The following PLEKHM2 variants were observed in gnomAD, a reference collection of about 807,000 sequenced individuals.
The protein encoded by PLEKHM2 is pleckstrin homology domain-containing family M member 2.
In PLEKHM2, 77 loss-of-function variants were observed where a neutral mutation model predicts 116.3. The ratio of observed to expected loss-of-function variants is 0.66; its 90% CI spans 0.55 to 0.80. The LOEUF is 0.80. Among genes scored for constraint, PLEKHM2 ranks in the 30% least tolerant of loss-of-function variants. The pLI is 0.00. For missense variants in PLEKHM2, 1,183 were observed against 1,354.9 expected (o/e 0.87, Z 1.99); for synonymous variants, 562 against 571.0 (o/e 0.98, Z 0.22).
intron 1 of PLEKHM2, among the ~76,000 whole-genome samples, chr1:15,698,082 T>C (rs1641035290): frequency 6.6e-6 from 1 of 152,226 alleles, no homozygotes; most frequent in Non-Finnish European, 1.5e-5. Flanking sequence ...GCTCTACACG[T>C]TGGGGGACTT....
At chr1:15,724,476 C>T (rs1225693139) in intron 7 of PLEKHM2, among the ~76,000 whole-genome samples, 1 of 149,728 alleles carries the variant, frequency 6.7e-6, no homozygotes, top group Non-Finnish European at 1.5e-5. Flanking sequence ...AGAGAGACTC[C>T]GTCTCAAAAA....
rs546621840 is a variant in PLEKHM2 at position 15,700,447 on chromosome 1, G to A, written c.61-15790G>A. On this transcript the variant is annotated intron_variant, in intron 1 of 19. Coordinates refer to ENST00000375799, the MANE Select transcript of PLEKHM2 (RefSeq NM_015164.4). ...GTAGGACGCTGGCCAGAGCTAGGGT[G>A]TGCAGGAAGTGCCCCTGTCTCCCTG... 7.2e-5 allele frequency among the ~76,000 whole-genome samples: 11 copies of A among 152,262 alleles called. No homozygotes were observed. In the East Asian group the frequency reaches 1.9e-3, roughly 27 times the overall value.
intron 1 of PLEKHM2, among the ~76,000 whole-genome samples, chr1:15,688,978 G>T (rs1421567290): frequency 1.3e-5 from 2 of 152,164 alleles, no homozygotes; most frequent in Non-Finnish European, 2.9e-5. Context: ...GCCAGGCGCG[G>T]TGGCTCATGC....
At chr1:15,701,532 G>A (rs1641112818) in intron 1 of PLEKHM2, among the ~76,000 whole-genome samples, 1 of 152,206 alleles carries the variant, frequency 6.6e-6, no homozygotes, top group African/African-American at 2.4e-5. Context: ...GCTCACGCCT[G>A]TAATCCCAGC....
chr1:15,726,453 AC>A (rs2148370500), intron 8 of PLEKHM2, among the ~76,000 whole-genome samples: 1 of 152,232 alleles, frequency 6.6e-6, no homozygotes, highest in Non-Finnish European at 1.5e-5. Flanking sequence ...CCAGGAGGCC[AC>A]CCCATGGGCT....
intron 1 of PLEKHM2, among the ~76,000 whole-genome samples, chr1:15,701,161 G>A (rs1375726602): frequency 2.0e-5 from 3 of 149,830 alleles, no homozygotes; most frequent in African/African-American, 7.4e-5. Flanking sequence ...GCTGGGTGCG[G>A]TGGCTCACTC....
Position 15,724,316 on chromosome 1 carries a change from C to T in PLEKHM2, c.713-1001C>T, listed in dbSNP as rs191077762. On this transcript the variant is annotated intron_variant, in intron 7 of 19. Transcript: ENST00000375799. ...TGGCCAACATGGTGAAACCCCAGCT[C>T]TACTAAAAATACAAAAATTAGCTGG... Among the ~76,000 whole-genome samples, 990 of 152,250 alleles carry T rather than the reference C, an allele frequency of 6.5e-3. 10 individuals carry two copies. The highest frequency in any genetic ancestry group is 0.023 in the African/African-American group (950 of 41,546).
intron 19 of PLEKHM2, 61 bp downstream of exon 19, chr1:15,732,789 G>C (rs1056630780): frequency 8.9e-6 from 10 of 1,127,728 alleles, no homozygotes; most frequent in Non-Finnish European, 1.3e-5. Context: ...GCCACTCCCC[G>C]GGGAGAGGAA....
rs774340203 is a variant in PLEKHM2, at chr1:15,731,219, C to T, written c.2427C>T (p.Asp809=). Reference sequence around the variant, plus strand: ...ACGGGATCCTCTACCAGTACCCGGACCGCACCGACGTCATCCCTCTGCTCT... The same window carrying T: ...ACGGGATCCTCTACCAGTACCCGGATCGCACCGACGTCATCCCTCTGCTCT... ...LSNGILYQYP[D]RTDVIPLLSV... is the part of the protein sequence containing the mutation. The change falls in exon 16 of 20, where the codon GAC becomes GAT. Residue 809 remains aspartate, a synonymous_variant. Coordinates refer to ENST00000375799, the MANE Select transcript of PLEKHM2 (RefSeq NM_015164.4). 2 of 1,599,024 alleles carry T rather than the reference C, an allele frequency of 1.3e-6. No individual in the cohort carries two copies. Among genetic ancestry groups the T allele is most frequent in the Non-Finnish European group, 8.5e-7 (1 of 1,172,666 alleles).
At chr1:15,703,644 T>TCGTATC (rs1215026664) in intron 1 of PLEKHM2, among the ~76,000 whole-genome samples, 1 of 152,182 alleles carries the variant, frequency 6.6e-6, no homozygotes, top group African/African-American at 2.4e-5. Context: ...TAGAAATTGT[T>TCGTATC]TTGTGGGTGT....
In PLEKHM2 at chr1:15,729,840, C is replaced by T. The variant is rs748863863; in HGVS notation, c.2119C>T (p.Arg707Ter). The T allele has an allele frequency of 1.2e-6, 2 of 1,613,276 alleles. No homozygotes were observed. The highest frequency in any genetic ancestry group is 1.7e-6 in the Non-Finnish European group (2 of 1,179,604). The change falls in exon 14 of 20, where the codon CGA becomes TGA. Residue 707 changes from arginine to a stop codon, truncating the protein, a stop_gained. Coordinates refer to ENST00000375799, the MANE Select transcript of PLEKHM2 (RefSeq NM_015164.4). LOFTEE classifies it high-confidence loss of function. This position sits in a 1 kb window ranked among gnomAD's most constrained non-coding sequence, Gnocchi z 4.7. ...SLKSAMIKGC[R>*]EPPYPSILTD... ...GAAGTCAGCCATGATCAAAGGCTGTCGAGAACCTCCCTACCCCAGCATCCT... is the reference window on the plus strand; with the variant it reads ...GAAGTCAGCCATGATCAAAGGCTGTTGAGAACCTCCCTACCCCAGCATCCT...
Position 15,725,473 on chromosome 1 carries a change from C to A in PLEKHM2, c.869C>A (p.Thr290Asn). Reference sequence around the variant, plus strand: ...TCCTCTGACACCACCCCCGTGCACACCACCTCTCAGGAGAAGGAGGAGGCC... The same window carrying A: ...TCCTCTGACACCACCCCCGTGCACAACACCTCTCAGGAGAAGGAGGAGGCC... ...VSSSDTTPVHTTSQEKEEAQA... is the reference protein window; with the variant it reads ...VSSSDTTPVHNTSQEKEEAQA... Residue 290 changes from threonine to asparagine, a missense_variant, in exon 8 of 20, where the codon ACC becomes AAC. Thr to Asn is a moderately conservative substitution (Grantham distance 65, BLOSUM62 0). Transcript: ENST00000375799. The A allele has an allele frequency of 6.3e-7, 1 of 1,580,182 alleles. No individual in the cohort carries two copies. The highest frequency in any genetic ancestry group is 1.2e-5 in the South Asian group (1 of 85,892).
chr1:15,686,311 T>G (rs1392120039), intron 1 of PLEKHM2, among the ~76,000 whole-genome samples: 10 of 152,184 alleles, frequency 6.6e-5, no homozygotes, highest in Non-Finnish European at 4.4e-5. Flanking sequence ...GCAGCATCAT[T>G]GTTAGGAGCA....
At chr1:15,698,553 T>C (rs1243649845) in intron 1 of PLEKHM2, among the ~76,000 whole-genome samples, 81 of 122,644 alleles carry the variant, frequency 6.6e-4, no homozygotes, top group South Asian at 3.2e-3. Context: ...TTCTTTCTTT[T>C]TTTTTTTTTT....
Position 15,703,252 on chromosome 1 carries a change from G to A in PLEKHM2, c.61-12985G>A, listed in dbSNP as rs140682851. On this transcript the variant is annotated intron_variant, in intron 1 of 19. Coordinates refer to ENST00000375799, the MANE Select transcript of PLEKHM2 (RefSeq NM_015164.4). ...TAGGTATCCTTAGGTCTGTGTCTGC[G>A]GTGGCTGAGCAGGGATGGGGCAGGC... 2.1e-3 allele frequency among the ~76,000 whole-genome samples: 322 copies of A among 152,340 alleles called. 1 individual carries two copies. The highest frequency in any genetic ancestry group is 7.6e-3 in the African/African-American group (314 of 41,578).
At chr1:15,715,860 G>T (rs554207686) in intron 1 of PLEKHM2, among the ~76,000 whole-genome samples, 1 of 152,234 alleles carries the variant, frequency 6.6e-6, no homozygotes, top group East Asian at 1.9e-4. Context: ...CCAACTCTGG[G>T]TTTGTGTGGC....
At chr1:15,698,693 G>A (rs1369927254) in intron 1 of PLEKHM2, among the ~76,000 whole-genome samples, 1 of 151,618 alleles carries the variant, frequency 6.6e-6, no homozygotes, top group East Asian at 1.9e-4. Context: ...GATTACAGGT[G>A]CGCACCACCA....
intron 1 of PLEKHM2, among the ~76,000 whole-genome samples, chr1:15,704,297 C>T (rs530149886): frequency 2.6e-5 from 4 of 151,902 alleles, no homozygotes; most frequent in East Asian, 1.9e-4. Flanking sequence ...CCACTCCCTC[C>T]GTCCCTCCCT....
upstream of PLEKHM2, among the ~76,000 whole-genome samples, chr1:15,683,493 G>A (rs1272666320): frequency 6.6e-6 from 1 of 151,150 alleles, no homozygotes; most frequent in Non-Finnish European, 1.5e-5. Context: ...TCTCTGAGGA[G>A]GGCCGGGGTC....
Sources: gnomAD v4.1 joint callset for allele counts (sites outside exome capture counted in the v4.1 genomes callset) on GRCh38, gnomAD v4.1.1 for gene constraint, Gnocchi (gnomAD v3.1) non-coding constraint, MANE v1.5 for transcripts, NCBI Gene and HGNC (gene_info 2026-07-23, HGNC 2026-07-21) for gene names.